The following EDA variants were observed in gnomAD, a reference collection of about 807,000 sequenced individuals.
The protein encoded by EDA is ectodysplasin-A.
A neutral mutation model predicts 23.6 loss-of-function variants in EDA; 2 were observed. The ratio of observed to expected loss-of-function variants is 0.08; its 90% CI spans 0.03 to 0.27. EDA has a LOEUF of 0.27. EDA is among the 10% of genes least tolerant of loss of function. The pLI is 1.00. For synonymous variants in EDA, 131 were observed against 132.0 expected, an observed-to-expected ratio of 0.99 and a Z score of 0.05; for missense variants, 229 against 324.2, an observed-to-expected ratio of 0.71 and a Z score of 2.26.
intron 1 of EDA, among the ~76,000 whole-genome samples, chrX:69,871,424 C>A (rs1358343139): frequency 9.0e-6 from 1 of 111,458 alleles, no homozygotes; most frequent in Non-Finnish European, 1.9e-5. Context: ...GGAGAGCCAG[C>A]CTGAGTCCCA....
chrX:69,740,285 A>G (rs1454183525), intron 1 of EDA, among the ~76,000 whole-genome samples: 1 of 111,674 alleles, frequency 9.0e-6, no homozygotes, highest in Non-Finnish European at 1.9e-5. Flanking sequence ...AGGCTTTTTT[A>G]GCCTGAAGAG....
chrX:69,803,158 C>T (rs1426758868), intron 1 of EDA, among the ~76,000 whole-genome samples: 1 of 111,529 alleles, frequency 9.0e-6, no homozygotes, highest in Non-Finnish European at 1.9e-5. Context: ...ACCAACCCTT[C>T]TGTGAATATT....
At chrX:69,727,831 G>C (rs997169002) in intron 1 of EDA, among the ~76,000 whole-genome samples, 1 of 111,880 alleles carries the variant, frequency 8.9e-6, no homozygotes, top group African/African-American at 3.3e-5. Flanking sequence ...TTGTGCTTTT[G>C]TCAGCTTACA....
At chrX:69,963,561 G>T (rs2019133906) in intron 2 of EDA, among the ~76,000 whole-genome samples, 1 of 112,114 alleles carries the variant, frequency 8.9e-6, no homozygotes, top group Admixed American at 9.5e-5. Context: ...CTGGAGAGTG[G>T]CTTTGTATCA....
intron 1 of EDA, among the ~76,000 whole-genome samples, chrX:69,822,930 AGTGAGAATATGCG>A (rs1226977371): frequency 2.1e-5 from 2 of 94,570 alleles, no homozygotes; most frequent in African/African-American, 8.0e-5. Context: ...CCCACCTATG[AGTGAGAATATGCG>A]GTGTTTTGTT....
intron 1 of EDA, among the ~76,000 whole-genome samples, chrX:69,786,100 T>G (rs1264747877): frequency 1.1e-3 from 117 of 109,509 alleles, no homozygotes; most frequent in African/African-American, 3.8e-3. Flanking sequence ...TATAGTATTC[T>G]CTGATGGTAG....
At chrX:69,660,785 AGT>A (rs1933469026) in intron 1 of EDA, among the ~76,000 whole-genome samples, 2 of 111,672 alleles carry the variant, frequency 1.8e-5, no homozygotes, top group Non-Finnish European at 3.8e-5. Context: ...TATTGTGAAT[AGT>A]GCCGCAATAA....
intron 1 of EDA, among the ~76,000 whole-genome samples, chrX:69,854,656 G>A (rs1339002376): frequency 1.8e-5 from 2 of 112,321 alleles, no homozygotes; most frequent in African/African-American, 3.2e-5. Flanking sequence ...TTTTATGGCT[G>A]CAAGTATTTC....
At chrX:69,990,483 CA>C (rs749443107) in intron 2 of EDA, among the ~76,000 whole-genome samples, 2 of 105,415 alleles carry the variant, frequency 1.9e-5, no homozygotes, top group Admixed American at 9.8e-5. Context: ...AGTTATCTGC[CA>C]GGGGGGATGA....
Position 69,961,314 on chromosome X carries a change from G to T in EDA, c.502+4182G>T, listed in dbSNP as rs1410633635. Reference sequence around the variant, plus strand: ...AGGAACTATAGATATTAAGCTTAATGATCTCCACAAATCCCTGTGAGAGAA... The same window carrying T: ...AGGAACTATAGATATTAAGCTTAATTATCTCCACAAATCCCTGTGAGAGAA... On this transcript the variant is annotated intron_variant, in intron 2 of 7. Transcript: ENST00000374552. Among the ~76,000 whole-genome samples, 78 of 111,155 alleles carry T rather than the reference G, an allele frequency of 7.0e-4. 1 individual carries two copies. The Admixed American group carries it at 7.4e-3, about 11-fold the overall frequency.
At chrX:69,701,711 G>A (rs913240159) in intron 1 of EDA, among the ~76,000 whole-genome samples, 3 of 111,318 alleles carry the variant, frequency 2.7e-5, no homozygotes, top group Admixed American at 9.5e-5. Context: ...TCAGTTAAAC[G>A]AGAGAGAAAA....
At chrX:69,770,821 T>A (rs2147427969) in intron 1 of EDA, among the ~76,000 whole-genome samples, 1 of 89,385 alleles carries the variant, frequency 1.1e-5, no homozygotes, top group African/African-American at 3.6e-5. Context: ...TATTTGCTCA[T>A]ATTTTTTTTC....
intron 2 of EDA, among the ~76,000 whole-genome samples, chrX:69,997,755 C>T (rs990565019): frequency 6.2e-5 from 7 of 112,217 alleles, no homozygotes; most frequent in African/African-American, 1.9e-4. Context: ...TGGTGCCCTG[C>T]GTCCCAGCCA....
At chrX:69,834,472 C>A (rs1393600353) in intron 1 of EDA, among the ~76,000 whole-genome samples, 1 of 109,155 alleles carries the variant, frequency 9.2e-6, no homozygotes, top group African/African-American at 3.3e-5. Context: ...CCTTCTTTGT[C>A]TCTTTTGATC....
intron 2 of EDA, among the ~76,000 whole-genome samples, chrX:69,998,014 G>A (rs2019685197): frequency 8.9e-6 from 1 of 112,395 alleles, no homozygotes; most frequent in Non-Finnish European, 1.9e-5. Context: ...GAAGGGAAAA[G>A]AGGGGTCAGA....
chrX:69,759,422 AT>A (rs1203889113), intron 1 of EDA, among the ~76,000 whole-genome samples: 1 of 112,197 alleles, frequency 8.9e-6, no homozygotes, highest in Non-Finnish European at 1.9e-5. Flanking sequence ...GAAAGTGCTA[AT>A]TTTTTACTTT....
chrX:69,857,686 G>A (rs974618370), intron 1 of EDA, among the ~76,000 whole-genome samples: 4 of 110,410 alleles, frequency 3.6e-5, no homozygotes, highest in East Asian at 2.9e-4. Flanking sequence ...ATGAGCATTG[G>A]ATGTGTTTCC....
chrX:69,864,984 A>G (rs1413231076), intron 1 of EDA, among the ~76,000 whole-genome samples: 1 of 111,055 alleles, frequency 9.0e-6, no homozygotes, highest in African/African-American at 3.3e-5. Flanking sequence ...GCGAGACTCC[A>G]TCTTGAAATA....
chrX:69,679,915 G>T (rs1346458546), intron 1 of EDA, among the ~76,000 whole-genome samples: 1 of 104,389 alleles, frequency 9.6e-6, no homozygotes, highest in African/African-American at 3.5e-5. Flanking sequence ...GTGATGTTAG[G>T]GTGTCAATTT....
Sources: allele counts gnomAD v4.1 joint callset (sites outside exome capture counted in the v4.1 genomes callset), GRCh38; gene constraint gnomAD v4.1.1; transcripts MANE v1.5; gene names NCBI Gene and HGNC (gene_info 2026-07-23, HGNC 2026-07-21).